Variants in IL36B observed in about 807,000 individuals in gnomAD.
IL36B encodes the protein interleukin 36 beta.
Under a neutral mutation model 19.3 loss-of-function variants are expected in IL36B, and 23 were observed. The ratio of observed to expected loss-of-function variants is 1.19; its 90% CI spans 0.86 to 1.69. IL36B has a LOEUF of 1.69. Ranked by LOEUF, IL36B falls within the 40% of genes most tolerant of loss-of-function variation. The pLI is 0.00. For missense variants in IL36B, 217 were observed against 200.5 expected (o/e 1.08, Z -0.50); for synonymous variants, 59 against 59.7 (o/e 0.99, Z 0.05).
intron 5 of IL36B, among the ~76,000 whole-genome samples, chr2:113,025,244 A>C (rs1178692761): frequency 2.0e-5 from 3 of 152,210 alleles, no homozygotes; most frequent in Admixed American, 2.0e-4. Flanking sequence ...GAATTGAGAC[A>C]GGGAAATTTC....
At chr2:113,024,184 C>T (rs954887320) in intron 5 of IL36B, among the ~76,000 whole-genome samples, 17 of 152,118 alleles carry the variant, frequency 1.1e-4, no homozygotes, top group Non-Finnish European at 2.5e-4. Context: ...AAAAACCCAC[C>T]ATTCAATAGT....
chr2:113,046,961 C>T (rs927045705), intron 1 of IL36B, among the ~76,000 whole-genome samples: 3 of 152,164 alleles, frequency 2.0e-5, no homozygotes, highest in Non-Finnish European at 4.4e-5. Flanking sequence ...AGTTGGATAG[C>T]TAAATAAATA....
intron 1 of IL36B, among the ~76,000 whole-genome samples, chr2:113,039,278 G>A (rs376899039): frequency 6.6e-6 from 1 of 152,020 alleles, no homozygotes; most frequent in Admixed American, 6.6e-5. Context: ...AGATCCCCAG[G>A]GTGTCCCAGT....
rs1289496265 is a variant in IL36B, at chr2:113,022,368, T to C, written c.*306A>G. 1 of 199,262 alleles carries C rather than the reference T, an allele frequency of 5.0e-6. No homozygotes were observed. The highest frequency in any genetic ancestry group is 1.4e-4 in the East Asian group (1 of 7,060). 12.3% of individuals were successfully genotyped at this position (199,262 alleles called of 1,614,324 possible). On this transcript the variant is annotated 3_prime_UTR_variant, in exon 6 of 6. Coordinates refer to ENST00000259213, the MANE Select transcript of IL36B (RefSeq NM_014438.5). ...GCTCTGTGGGAATTCAGGAGCAATG[T>C]TGTCTGATCTTCCCATTTTTCATGA... is the stretch of plus-strand genomic sequence containing the variant.
intron 1 of IL36B, among the ~76,000 whole-genome samples, chr2:113,046,713 G>A (rs979444574): frequency 6.6e-6 from 1 of 152,088 alleles, no homozygotes; most frequent in Non-Finnish European, 1.5e-5. Context: ...TATGGGTTTG[G>A]GGGAGGGAGA....
chr2:113,028,990 A>C lies in IL36B; in HGVS notation c.210T>G (p.Asp70Glu). ...GAATTTCTGCACAGAAGAGACAGAG[A>C]TCTTTTCCCTTGATTCCCAGGTAAA... Residue 70 changes from aspartate (D) to glutamate (E), a missense_variant, in exon 4 of 6, where the codon GAT becomes GAG. Physicochemically the swap from Asp to Glu is conservative, Grantham distance 45. Coordinates refer to ENST00000259213, the MANE Select transcript of IL36B (RefSeq NM_014438.5). The C allele has an allele frequency of 6.2e-7, 1 of 1,614,152 alleles. No individual in the cohort carries two copies. Among genetic ancestry groups the C allele is most frequent in the African/African-American group, 1.3e-5 (1 of 75,062 alleles).
chr2:113,025,349 TGCAAGA>T (rs953669026), intron 5 of IL36B, among the ~76,000 whole-genome samples: 3 of 152,192 alleles, frequency 2.0e-5, no homozygotes, highest in African/African-American at 7.2e-5. Context: ...CCTGATATAA[TGCAAGA>T]TTCTCCCTGA....
rs575135230 is a variant in IL36B, at chr2:113,050,845, C to T, written c.-58+1972G>A. ...TAGCCCTGGTGCAGCTCCCTTGCCT[C>T]GTCTAGTCCTGCTTTAGATGCTCGC... On this transcript the variant is annotated intron_variant, in intron 1 of 5. Coordinates refer to ENST00000259213, the MANE Select transcript of IL36B (RefSeq NM_014438.5). Among the ~76,000 whole-genome samples, 131 of 152,332 alleles carry T rather than the reference C, an allele frequency of 8.6e-4. 1 individual carries two copies. In the South Asian group the frequency reaches 0.013, roughly 15 times the overall value.
At chr2:113,033,351 C>T (rs1685113610) in intron 1 of IL36B, among the ~76,000 whole-genome samples, 1 of 152,170 alleles carries the variant, frequency 6.6e-6, no homozygotes, top group Non-Finnish European at 1.5e-5. Flanking sequence ...CCTGCCTCAG[C>T]CTCCCGAGTA....
intron 4 of IL36B, chr2:113,027,814 G>C: frequency 6.5e-7 from 1 of 1,540,684 alleles, no homozygotes; most frequent in East Asian, 2.4e-5. Context: ...TGAACTGCTA[G>C]TGAACTCAGT....
At chr2:113,036,903 TTGCCTGCATCC>T (rs1392200544) in intron 1 of IL36B, among the ~76,000 whole-genome samples, 4 of 152,358 alleles carry the variant, frequency 2.6e-5, no homozygotes, top group Non-Finnish European at 5.9e-5. Context: ...CCTGCCTATC[TTGCCTGCATCC>T]TGCCTGCAGG....
intron 2 of IL36B, among the ~76,000 whole-genome samples, 161 bp from the exon 3 acceptor site, chr2:113,031,316 A>C (rs1251793401): frequency 2.0e-5 from 3 of 152,206 alleles, no homozygotes; most frequent in African/African-American, 7.2e-5. Flanking sequence ...GGCAGGGACT[A>C]GTTTGTGAAT....
chr2:113,036,992 A>G (rs1006439076), intron 1 of IL36B, among the ~76,000 whole-genome samples: 1 of 152,268 alleles, frequency 6.6e-6, no homozygotes, highest in African/African-American at 2.4e-5. Context: ...TGGTAGCACA[A>G]GTGCTAAGAT....
intron 1 of IL36B, among the ~76,000 whole-genome samples, chr2:113,041,212 G>T (rs1389999036): frequency 6.6e-6 from 1 of 150,560 alleles, no homozygotes; most frequent in Non-Finnish European, 1.5e-5. Context: ...CTTGGAGAAA[G>T]ATGATCCAAG....
intron 1 of IL36B, among the ~76,000 whole-genome samples, chr2:113,050,159 T>C (rs568560302): frequency 1.3e-5 from 2 of 152,210 alleles, no homozygotes; most frequent in Non-Finnish European, 2.9e-5. Flanking sequence ...TGAACACCCA[T>C]GTTCATAGCA....
chr2:113,044,470 T>G (rs1183008535), intron 1 of IL36B, among the ~76,000 whole-genome samples: 32 of 152,124 alleles, frequency 2.1e-4, no homozygotes, highest in Admixed American at 2.1e-3. Context: ...TTTTTTTATT[T>G]TTTGTAAAGA....
intron 3 of IL36B, among the ~76,000 whole-genome samples, chr2:113,029,687 C>G (rs1169150425): frequency 6.6e-6 from 1 of 152,064 alleles, no homozygotes; most frequent in Non-Finnish European, 1.5e-5. Context: ...TCTGAGAGGA[C>G]CTCAAGAGGA....
intron 1 of IL36B, among the ~76,000 whole-genome samples, chr2:113,051,154 C>T (rs1685437966): frequency 6.6e-6 from 1 of 152,180 alleles, no homozygotes; most frequent in Non-Finnish European, 1.5e-5. Flanking sequence ...GCGGCAGGCC[C>T]CGCCGGAGGG....
Position 113,022,618 on chromosome 2 carries a change from A to G in IL36B, c.*56T>C, listed in dbSNP as rs959281740. 25 of 1,133,342 alleles carry G rather than the reference A, an allele frequency of 2.2e-5. No individual in the cohort carries two copies. Among genetic ancestry groups the G allele is most frequent in the Middle Eastern group, 3.9e-4 (2 of 5,086 alleles). The allele number at this position is 1,133,342 out of a possible 1,614,324, so 70.2% of individuals were successfully genotyped here. A position where few individuals can be genotyped will look rare whatever the true frequency, so the allele number is the denominator to read the frequency against. ...CAACTTATTCCATTTGTAGCATTTC[A>G]TTGATAGCAAACCCACTCAAAGATT... On this transcript the variant is annotated 3_prime_UTR_variant, in exon 6 of 6. Transcript: ENST00000259213.
Sources: allele counts gnomAD v4.1 joint callset (sites outside exome capture counted in the v4.1 genomes callset), GRCh38; gene constraint gnomAD v4.1.1; transcripts MANE v1.5; gene names NCBI Gene and HGNC (gene_info 2026-07-23, HGNC 2026-07-21).